Variants in HIBADH observed in about 807,000 individuals in gnomAD.
The protein encoded by HIBADH is 3-hydroxyisobutyrate dehydrogenase, mitochondrial.
Under a neutral mutation model 36.1 loss-of-function variants are expected in HIBADH, and 25 were observed. That is an observed-to-expected ratio of 0.69 (90% CI 0.50 to 0.97). The LOEUF (loss-of-function observed/expected upper bound fraction) is 0.97. HIBADH is among the 50% of genes least tolerant of loss of function. HIBADH has a pLI of 0.00. For missense variants in HIBADH, 421 were observed against 418.0 expected (o/e 1.01, Z -0.06); for synonymous variants, 160 against 149.5 (o/e 1.07, Z -0.51).
intron 2 of HIBADH, among the ~76,000 whole-genome samples, chr7:27,644,889 C>G (rs1029003818): frequency 2.0e-5 from 3 of 152,098 alleles, no homozygotes; most frequent in African/African-American, 7.2e-5. Context: ...CTTCCTTATT[C>G]TGGACTTTCA....
In HIBADH at chr7:27,558,384, G is replaced by A. The variant is rs903571370; in HGVS notation, c.485-15284C>T. ...GCTCGGTCACCCTGGCTGGAGTGTG[G>A]TGGTACAATCTCGACTCACTGCAAC... On this transcript the variant is annotated intron_variant, in intron 4 of 7. Transcript: ENST00000265395. Among the ~76,000 whole-genome samples, 5 of 152,126 alleles carry A rather than the reference G, an allele frequency of 3.3e-5. No homozygotes were observed. In the East Asian group the frequency reaches 9.6e-4, roughly 29 times the overall value.
intron 4 of HIBADH, among the ~76,000 whole-genome samples, chr7:27,586,634 G>GAAGGGC (rs1174728882): frequency 2.0e-5 from 3 of 151,860 alleles, no homozygotes; most frequent in Admixed American, 6.6e-5. Flanking sequence ...AGGGGAAGGG[G>GAAGGGC]AGAGACAGAG....
At chr7:27,590,428 C>G (rs1784923023) in intron 4 of HIBADH, among the ~76,000 whole-genome samples, 1 of 152,194 alleles carries the variant, frequency 6.6e-6, no homozygotes, top group Non-Finnish European at 1.5e-5. Flanking sequence ...TTATCCAAAA[C>G]TGTCCATTTT....
Position 27,527,812 on chromosome 7 carries a change from G to A in HIBADH, c.853-1440C>T, listed in dbSNP as rs896513029. Reference sequence around the variant, plus strand: ...GTTGCCCAGGCTGGAGTGTAGTGGCGCAATCTTGGCTCACAGCAACCTCTG... The same window carrying A: ...GTTGCCCAGGCTGGAGTGTAGTGGCACAATCTTGGCTCACAGCAACCTCTG... On this transcript the variant is annotated intron_variant, in intron 7 of 7. Coordinates refer to ENST00000265395, the MANE Select transcript of HIBADH (RefSeq NM_152740.4). Among the ~76,000 whole-genome samples, 7 of 146,900 alleles carry A rather than the reference G, an allele frequency of 4.8e-5. 1 individual carries two copies. In the South Asian group the frequency reaches 1.5e-3, roughly 31 times the overall value.
rs915952549 is a variant in HIBADH, at chr7:27,563,201, T to C, written c.485-20101A>G. Among the ~76,000 whole-genome samples the C allele has an allele frequency of 5.3e-5, 8 of 152,336 alleles. No individual in the cohort carries two copies. In the South Asian group the frequency reaches 1.0e-3, roughly 20 times the overall value. On this transcript the variant is annotated intron_variant, in intron 4 of 7. Coordinates refer to ENST00000265395, the MANE Select transcript of HIBADH (RefSeq NM_152740.4). ...ACACTGACTTCTTTCACTCATACAA[T>C]GCCTTTGGGTTACCTGTTATTGTGG...
chr7:27,614,085 G>T (rs554019957), intron 4 of HIBADH, among the ~76,000 whole-genome samples: 2 of 152,250 alleles, frequency 1.3e-5, no homozygotes, highest in Non-Finnish European at 2.9e-5. Context: ...TGCTGTTAGA[G>T]ATTAAACTGG....
At chr7:27,536,341 A>T (rs1338240518) in intron 6 of HIBADH, among the ~76,000 whole-genome samples, 1 of 152,194 alleles carries the variant, frequency 6.6e-6, no homozygotes, top group Admixed American at 6.6e-5. Context: ...TATTTTTAAC[A>T]GTTAAGTATA....
chr7:27,653,484 C>A (rs746364804), intron 1 of HIBADH, among the ~76,000 whole-genome samples: 6 of 152,108 alleles, frequency 3.9e-5, no homozygotes, highest in Non-Finnish European at 8.8e-5. Context: ...GCCTGTAATG[C>A]CAGCACTTTG....
chr7:27,538,580 T>C (rs1032200931), intron 5 of HIBADH, among the ~76,000 whole-genome samples, 163 bp from the exon 6 acceptor site: 1 of 152,158 alleles, frequency 6.6e-6, no homozygotes, highest in East Asian at 1.9e-4. Context: ...TGGCTCCCTC[T>C]GAACCTCACA....
Position 27,646,541 on chromosome 7 carries a change from T to G in HIBADH, c.252+2932A>C, listed in dbSNP as rs6955472. Among the ~76,000 whole-genome samples the G allele has an allele frequency of 8.8e-3, 1,338 of 151,942 alleles. 19 individuals carry two copies. The highest frequency in any genetic ancestry group is 0.03 in the African/African-American group (1,256 of 41,418). Reference sequence around the variant, plus strand: ...ATATAGACTATGTTTTCTGGTTTGTTTTTTTTTCTTTTTAAGGCAAGGTCT... The same window carrying G: ...ATATAGACTATGTTTTCTGGTTTGTGTTTTTTTCTTTTTAAGGCAAGGTCT... On this transcript the variant is annotated intron_variant, in intron 2 of 7. Coordinates refer to ENST00000265395, the MANE Select transcript of HIBADH (RefSeq NM_152740.4).
intron 4 of HIBADH, among the ~76,000 whole-genome samples, chr7:27,595,581 T>TGTAG (rs1785020289): frequency 9.8e-5 from 1 of 10,160 alleles, no homozygotes; most frequent in Non-Finnish European, 3.0e-4. Context: ...TAAGGGCAGG[T>TGTAG]GTGTGTGTGT....
intron 4 of HIBADH, among the ~76,000 whole-genome samples, chr7:27,618,233 T>A (rs1471129709): frequency 1.3e-5 from 2 of 152,094 alleles, no homozygotes; most frequent in African/African-American, 2.4e-5. Context: ...GGGCTACCTA[T>A]CCGGGGCAGA....
intron 6 of HIBADH, among the ~76,000 whole-genome samples, chr7:27,535,641 C>G (rs536548355): frequency 6.6e-6 from 1 of 152,178 alleles, no homozygotes; most frequent in South Asian, 2.1e-4. Flanking sequence ...AGGGTACTTT[C>G]AGGACCATAA....
chr7:27,530,262 A>G (rs980318079), intron 7 of HIBADH, among the ~76,000 whole-genome samples: 6 of 151,784 alleles, frequency 4.0e-5, no homozygotes, highest in Admixed American at 2.0e-4. Flanking sequence ...CTGGAGTGCA[A>G]TGGTGCTATC....
In HIBADH at chr7:27,541,731, G is replaced by A. The variant is rs1426998107; in HGVS notation, c.618+1236C>T. ...TGGCACTTTGTATGGGTCCCATGGT[G>A]TCATTCAAGGTTTATGGTATTGCAC... On this transcript the variant is annotated intron_variant, in intron 5 of 7. Coordinates refer to ENST00000265395, the MANE Select transcript of HIBADH (RefSeq NM_152740.4). The A allele has an allele frequency of 1.6e-5, 7 of 434,666 alleles. No homozygotes were observed. In the Admixed American group the frequency reaches 1.8e-4, roughly 11 times the overall value. The allele number at this position is 434,666 out of a possible 1,614,324, so 26.9% of individuals were successfully genotyped here.
At chr7:27,644,306 A>T (rs1049252549) in intron 2 of HIBADH, among the ~76,000 whole-genome samples, 2 of 152,008 alleles carry the variant, frequency 1.3e-5, no homozygotes, top group African/African-American at 4.8e-5. Flanking sequence ...TCTACTAAAA[A>T]TACAAAAAAT....
At chr7:27,610,168 A>T (rs573351369) in intron 4 of HIBADH, among the ~76,000 whole-genome samples, 142 of 152,244 alleles carry the variant, frequency 9.3e-4, no homozygotes, top group African/African-American at 3.3e-3. Flanking sequence ...TAAAGACAGG[A>T]ACCCATGGAG....
At chr7:27,647,189 T>C (rs1337149090) in intron 2 of HIBADH, among the ~76,000 whole-genome samples, 2 of 152,116 alleles carry the variant, frequency 1.3e-5, no homozygotes, top group Non-Finnish European at 2.9e-5. Context: ...ACCCGATCAC[T>C]GAGGCGGCTA....
At position 27,658,519 on chromosome 7, in the gene HIBADH, A is replaced by C. The variant is rs968504824; in HGVS notation, c.91+4179T>G. 3.9e-5 allele frequency among the ~76,000 whole-genome samples: 6 copies of C among 152,306 alleles called. No individual in the cohort carries two copies. The East Asian group carries it at 1.2e-3, about 29-fold the overall frequency. On this transcript the variant is annotated intron_variant, in intron 1 of 7. Transcript: ENST00000265395. ...ATCTTGATAACCTTAAGTGCTATCAAAAAGCAGGTTTCACTAAGTGTCAAA... is the reference window on the plus strand; with the variant it reads ...ATCTTGATAACCTTAAGTGCTATCACAAAGCAGGTTTCACTAAGTGTCAAA...
Sources: gnomAD v4.1 joint callset for allele counts (sites outside exome capture counted in the v4.1 genomes callset) on GRCh38, gnomAD v4.1.1 for gene constraint, MANE v1.5 for transcripts, NCBI Gene and HGNC (gene_info 2026-07-23, HGNC 2026-07-21) for gene names.